KIAA1671: variants seen among roughly 807,000 people sequenced by gnomAD.
KIAA1671 encodes KIAA1671.
In KIAA1671, 52 loss-of-function variants were observed where a neutral mutation model predicts 131.2. That is an observed-to-expected ratio of 0.40 (90% confidence interval 0.32 to 0.50). The LOEUF (loss-of-function observed/expected upper bound fraction) is 0.50. Among genes scored for constraint, KIAA1671 ranks in the 20% least tolerant of loss-of-function variants. The pLI is 0.73. For synonymous variants in KIAA1671, 1,003 were observed against 961.6 expected (o/e 1.04, Z -0.80); for missense variants, 2,360 against 2,364.2 (o/e 1.00, Z 0.04).
At chr22:25,184,329 A>T (rs116134513) in intron 10 of KIAA1671, among the ~76,000 whole-genome samples, 1 of 152,202 alleles carries the variant, frequency 6.6e-6, no homozygotes, top group African/African-American at 2.4e-5. Context: ...CACATTTGTC[A>T]TATTTCTTGA....
chr22:25,027,942 T>G lies in KIAA1671; in HGVS notation c.-55-3T>G. ...TACTTGTTTGTTTGTTTTGTTTGTT[T>G]AGCAATTGCTTCTCCATTCTTGAAG... On this transcript the variant is annotated splice_region_variant and splice_polypyrimidine_tract_variant and intron_variant, in intron 2 of 12. Transcript: ENST00000358431. The G allele has an allele frequency of 7.9e-7, 1 of 1,265,194 alleles. No individual in the cohort carries two copies. The highest frequency in any genetic ancestry group is 1.1e-6 in the Non-Finnish European group (1 of 930,456). 78.4% of individuals were successfully genotyped at this position (1,265,194 alleles called of 1,614,324 possible).
chr22:24,978,369 G>C (rs1244883643), intron 1 of KIAA1671, among the ~76,000 whole-genome samples: 1 of 152,090 alleles, frequency 6.6e-6, no homozygotes. Flanking sequence ...TGACTCTGAG[G>C]CCTCCCTAGC....
chr22:25,031,768 C>T (rs1345442396), intron 3 of KIAA1671, among the ~76,000 whole-genome samples: 3 of 152,156 alleles, frequency 2.0e-5, no homozygotes, highest in Non-Finnish European at 4.4e-5. Context: ...ATGGAAGAGC[C>T]TTGGAGAGGC....
At chr22:25,029,653 C>A (rs1238175217) in intron 3 of KIAA1671, 113 bp downstream of exon 3, 3 of 760,914 alleles carry the variant, frequency 3.9e-6, no homozygotes, top group Non-Finnish European at 6.1e-6. Flanking sequence ...TTACCCATAG[C>A]CCAAGAGGAG....
chr22:25,107,219 A>AC (rs879560235), intron 6 of KIAA1671, among the ~76,000 whole-genome samples: 8 of 151,382 alleles, frequency 5.3e-5, no homozygotes, highest in Non-Finnish European at 8.8e-5. Context: ...AAATGGTGAA[A>AC]CCCCCCCATG....
intron 6 of KIAA1671, among the ~76,000 whole-genome samples, chr22:25,130,227 G>C (rs916209667): frequency 2.0e-5 from 3 of 152,146 alleles, no homozygotes; most frequent in Non-Finnish European, 4.4e-5. Context: ...ATATCATAAA[G>C]GTATAGCTTG....
At chr22:25,068,330 G>A (rs966296608) in intron 6 of KIAA1671, among the ~76,000 whole-genome samples, 2 of 152,258 alleles carry the variant, frequency 1.3e-5, no homozygotes, top group Non-Finnish European at 2.9e-5. Context: ...CTGGGAGTGG[G>A]GCGCTGAGAA....
intron 1 of KIAA1671, among the ~76,000 whole-genome samples, chr22:24,979,050 C>G (rs1923073445): frequency 6.6e-6 from 1 of 150,648 alleles, no homozygotes. Flanking sequence ...GGCTGGAGTG[C>G]AGTGGTGCGA....
At chr22:25,068,740 C>T (rs1049864651) in intron 6 of KIAA1671, among the ~76,000 whole-genome samples, 3 of 152,224 alleles carry the variant, frequency 2.0e-5, no homozygotes, top group Non-Finnish European at 4.4e-5. Flanking sequence ...CCAGCCCACC[C>T]TCTCCTTATT....
chr22:25,167,072 C>T (rs1056342365), intron 6 of KIAA1671, among the ~76,000 whole-genome samples: 3 of 152,184 alleles, frequency 2.0e-5, no homozygotes, highest in Non-Finnish European at 2.9e-5. Context: ...GAGCTGGGAG[C>T]GGGCTCAGAT....
At chr22:25,057,949 C>T (rs1356136629) in intron 6 of KIAA1671, 2 of 152,182 alleles carry the variant, frequency 1.3e-5, no homozygotes, top group African/African-American at 4.8e-5. Context: ...CCTCATCCCT[C>T]CTTTGAATAG....
chr22:25,190,720 C>G lies in KIAA1671; in HGVS notation c.5361C>G (p.Pro1787=), dbSNP rs374070655. ...GTTTCAGGTCGGATGAACCCTCTCC[C>G]CAGTGGCTAAAGGAATTGAAATCCA... ...DKDERSDEPS[P]QWLKELKSKK... Residue 1787 remains proline, a synonymous_variant, in exon 12 of 13, where the codon CCC becomes CCG. Coordinates refer to ENST00000358431, the MANE Select transcript of KIAA1671 (RefSeq NM_001145206.2). 1.8e-4 allele frequency: 279 copies of G among 1,551,644 alleles called. No homozygotes were observed. The highest frequency in any genetic ancestry group is 2.3e-4 in the Non-Finnish European group (267 of 1,146,912).
At chr22:25,135,468 G>A (rs1932636124) in intron 6 of KIAA1671, among the ~76,000 whole-genome samples, 1 of 152,212 alleles carries the variant, frequency 6.6e-6, no homozygotes, top group Non-Finnish European at 1.5e-5. Context: ...TTACAGGCAT[G>A]AGCCACTGTG....
intron 6 of KIAA1671, chr22:25,059,165 T>G (rs1171420584): frequency 1.3e-5 from 2 of 152,102 alleles, no homozygotes; most frequent in Non-Finnish European, 2.9e-5. Flanking sequence ...TGAAGCTAGG[T>G]GAATATTTTT....
At chr22:25,155,559 T>C (rs1933202888) in intron 6 of KIAA1671, among the ~76,000 whole-genome samples, 1 of 138,814 alleles carries the variant, frequency 7.2e-6, no homozygotes, top group Non-Finnish European at 1.6e-5. Context: ...TGTGCATTGG[T>C]GTAGATGTTT....
intron 6 of KIAA1671, chr22:25,070,392 G>A: frequency 1.9e-6 from 1 of 516,696 alleles, no homozygotes; most frequent in Non-Finnish European, 3.6e-6. Context: ...GCCCCAGCCT[G>A]CTGAAGCTCT....
chr22:25,093,814 CTCTCTCTCTTTCTCTCTCTGTCTGT>C (rs1930234930), intron 6 of KIAA1671, among the ~76,000 whole-genome samples: 1 of 121,256 alleles, frequency 8.2e-6, no homozygotes, highest in Non-Finnish European at 1.7e-5. Context: ...CTCTCTCTGT[CTCTCTCTCTTTCTCTCTCTGTCTGT>C]CTCTCTCTCT....
chr22:25,162,966 A>G (rs1456004519), intron 6 of KIAA1671, among the ~76,000 whole-genome samples: 1 of 152,226 alleles, frequency 6.6e-6, no homozygotes, highest in Non-Finnish European at 1.5e-5. Context: ...ATGTGTACAT[A>G]TACTCCCATT....
chr22:25,078,544 A>T (rs1194703200), intron 6 of KIAA1671, among the ~76,000 whole-genome samples: 2 of 152,114 alleles, frequency 1.3e-5, no homozygotes, highest in Non-Finnish European at 2.9e-5. Context: ...GAAGTAAAAA[A>T]TAAAAATAGA....
Sources: allele counts gnomAD v4.1 joint callset (sites outside exome capture counted in the v4.1 genomes callset), GRCh38; gene constraint gnomAD v4.1.1; transcripts MANE v1.5; gene names NCBI Gene and HGNC (gene_info 2026-07-23, HGNC 2026-07-21).